ARHGEF3: variants seen among roughly 807,000 people sequenced by gnomAD.
ARHGEF3 encodes the protein 59.8 kDA protein.
Under a neutral mutation model 63.2 loss-of-function variants are expected in ARHGEF3, and 28 were observed. That is an observed-to-expected ratio of 0.44 (90% confidence interval 0.33 to 0.61). ARHGEF3 has a LOEUF of 0.61. Ranked by LOEUF, ARHGEF3 falls within the 20% of genes least tolerant of loss-of-function variation. The probability of loss-of-function intolerance (pLI) is 0.03; values close to 1 mark genes in which losing one functional copy is unlikely to be tolerated. For synonymous variants in ARHGEF3, 266 were observed against 254.2 expected, an observed-to-expected ratio of 1.05 and a Z score of -0.44; for missense variants, 533 against 659.3, an observed-to-expected ratio of 0.81 and a Z score of 2.10.
chr3:57,063,589 C>T (rs1395740920), intron 1 of ARHGEF3, among the ~76,000 whole-genome samples: 1 of 152,134 alleles, frequency 6.6e-6, no homozygotes, highest in Non-Finnish European at 1.5e-5. Context: ...GCCTGAGCAA[C>T]CAGGAGGTTG....
rs115561308 is a variant in ARHGEF3 at position 56,774,947 on chromosome 3, G to A, written c.97-1131C>T. 2.6e-3 allele frequency: 3,525 copies of A among 1,343,200 alleles called. 69 individuals carry two copies. In the African/African-American group the frequency reaches 0.046, roughly 17 times the overall value. 83.2% of individuals were successfully genotyped at this position (1,343,200 alleles called of 1,614,324 possible). A position where few individuals can be genotyped will look rare whatever the true frequency, so the allele number is the denominator to read the frequency against. On this transcript the variant is annotated intron_variant, in intron 1 of 9. Coordinates refer to ENST00000296315, the MANE Select transcript of ARHGEF3 (RefSeq NM_019555.3). ...ACAACAAAAAAAAAACAGGCTATGG[G>A]GAAGAGAATGATGATAGACAAAACA...
chr3:56,874,086 C>A (rs2040513421), intron 4 of ARHGEF3, among the ~76,000 whole-genome samples: 2 of 152,166 alleles, frequency 1.3e-5, no homozygotes, highest in African/African-American at 4.8e-5. Flanking sequence ...AGGCCAAAGG[C>A]AAGATGCAAT....
chr3:56,779,872 T>C (rs1410436247), intron 1 of ARHGEF3, among the ~76,000 whole-genome samples: 2 of 152,208 alleles, frequency 1.3e-5, no homozygotes, highest in East Asian at 1.9e-4. Context: ...AACTGAAAAA[T>C]GGGGAAATAA....
chr3:56,974,743 A>G (rs958532217), intron 2 of ARHGEF3, among the ~76,000 whole-genome samples: 12 of 152,152 alleles, frequency 7.9e-5, no homozygotes, highest in Admixed American at 3.3e-4. Context: ...AAGGAAATCC[A>G]CATCCTGCAC....
In ARHGEF3 at chr3:57,069,543, A is replaced by G. The variant is rs149085577; in HGVS notation, c.-28+9683T>C. Among the ~76,000 whole-genome samples the G allele has an allele frequency of 6.0e-4, 91 of 152,060 alleles. 1 individual carries two copies. The highest frequency in any genetic ancestry group is 2.2e-3 in the African/African-American group (90 of 41,458). ...GGTTCCAAGTGATACAAATATAGGC[A>G]CTCCATTTTTTATTATTTCTTTCTT... On this transcript the variant is annotated intron_variant, in intron 1 of 12. Transcript: ENST00000338458.
At chr3:57,000,625 C>T (rs535402361) in intron 2 of ARHGEF3, among the ~76,000 whole-genome samples, 8 of 152,228 alleles carry the variant, frequency 5.3e-5, no homozygotes, top group South Asian at 2.1e-4. Flanking sequence ...CTCTGCCTCC[C>T]GGGTTCAAGT....
intron 2 of ARHGEF3, among the ~76,000 whole-genome samples, chr3:57,019,173 C>T (rs573215543): frequency 8.1e-4 from 124 of 152,254 alleles, no homozygotes; most frequent in South Asian, 1.5e-3. Context: ...TCTCTCTAGA[C>T]CTTGGTTTCT....
intron 2 of ARHGEF3, among the ~76,000 whole-genome samples, chr3:57,002,479 T>TTATATATATATATGTTATATATA (rs1702251595): frequency 2.5e-5 from 1 of 39,472 alleles, no homozygotes; most frequent in Non-Finnish European, 4.1e-5. Context: ...TATATATATG[T>TTATATATATATATGTTATATATA]TATATATATA....
chr3:56,729,004 C>T lies in ARHGEF3; in HGVS notation c.*266G>A. The T allele has an allele frequency of 2.7e-6, 1 of 366,078 alleles. No homozygotes were observed. The highest frequency in any genetic ancestry group is 4.9e-6 in the Non-Finnish European group (1 of 204,182). 22.7% of individuals were successfully genotyped at this position (366,078 alleles called of 1,614,324 possible). A position where few individuals can be genotyped will look rare whatever the true frequency, so the allele number is the denominator to read the frequency against. On this transcript the variant is annotated 3_prime_UTR_variant, in exon 10 of 10. Transcript: ENST00000296315. Reference sequence around the variant, plus strand: ...ATTTTTTTAAAATCCAGCAGGACAACTGAAAGTAACTTGTTTGAGTACCTC... The same window carrying T: ...ATTTTTTTAAAATCCAGCAGGACAATTGAAAGTAACTTGTTTGAGTACCTC...
chr3:56,970,493 G>A (rs1245582273), intron 2 of ARHGEF3, among the ~76,000 whole-genome samples: 1 of 152,100 alleles, frequency 6.6e-6, no homozygotes, highest in Non-Finnish European at 1.5e-5. Flanking sequence ...GTCCATTTCT[G>A]AGGCATATAT....
intron 1 of ARHGEF3, among the ~76,000 whole-genome samples, chr3:57,067,682 A>T (rs1237980985): frequency 6.7e-6 from 1 of 150,124 alleles, no homozygotes; most frequent in African/African-American, 2.4e-5. Flanking sequence ...AAAAAATTTA[A>T]AAAATTAGCC....
In ARHGEF3 at chr3:56,960,543, G is replaced by A. The variant is rs143790003; in HGVS notation, c.63-1654C>T. 2.5e-3 allele frequency: 385 copies of A among 152,396 alleles called. 3 individuals are homozygous for A. Among genetic ancestry groups the A allele is most frequent in the African/African-American group, 8.7e-3 (362 of 41,544 alleles). 9.4% of individuals were successfully genotyped at this position (152,396 alleles called of 1,614,324 possible). On this transcript the variant is annotated intron_variant, in intron 2 of 12. Transcript: ENST00000338458. ...ATTGCTGTTTTTACCAGCTGTCAGC[G>A]TGGTGCCCCTGTCCCCCTTTCTCTC... is the stretch of plus-strand genomic sequence containing the variant.
At chr3:57,018,750 G>C (rs1271665681) in intron 2 of ARHGEF3, among the ~76,000 whole-genome samples, 1 of 152,142 alleles carries the variant, frequency 6.6e-6, no homozygotes, top group Non-Finnish European at 1.5e-5. Flanking sequence ...GTATCTGCCA[G>C]GTAGTGTGCT....
chr3:56,889,013 T>A (rs77067719), intron 3 of ARHGEF3, among the ~76,000 whole-genome samples: 5,599 of 152,168 alleles, frequency 0.037, 325 homozygotes, highest in East Asian at 0.21. Context: ...CTCATGGAGA[T>A]ATGGGTATTC....
At chr3:56,925,710 G>C (rs2042257046) in intron 3 of ARHGEF3, among the ~76,000 whole-genome samples, 1 of 152,212 alleles carries the variant, frequency 6.6e-6, no homozygotes, top group Non-Finnish European at 1.5e-5. Context: ...AATGTGCCAA[G>C]CTTGGCAGTA....
At chr3:56,995,535 C>G (rs865788327) in intron 2 of ARHGEF3, among the ~76,000 whole-genome samples, 31 of 150,690 alleles carry the variant, frequency 2.1e-4, no homozygotes, top group African/African-American at 7.6e-4. Flanking sequence ...ATGCAATCAT[C>G]ATTTTTTCAA....
At chr3:56,771,350 G>T (rs1160130021) in intron 2 of ARHGEF3, among the ~76,000 whole-genome samples, 1 of 152,194 alleles carries the variant, frequency 6.6e-6, no homozygotes. Context: ...ACAGAAGAAA[G>T]AAATTTTGCC....
In ARHGEF3 at chr3:56,765,034, G is replaced by A. The variant is rs532080698; in HGVS notation, c.204+8675C>T. 2.6e-5 allele frequency among the ~76,000 whole-genome samples: 4 copies of A among 152,212 alleles called. No individual in the cohort carries two copies. In the East Asian group the frequency reaches 7.7e-4, roughly 29 times the overall value. ...GGCCTCCCAAAGTGCTAGGATTACA[G>A]GCATGAGCCACCGCACCCGGCCCAA... On this transcript the variant is annotated intron_variant, in intron 2 of 9. Transcript: ENST00000296315.
intron 2 of ARHGEF3, among the ~76,000 whole-genome samples, chr3:57,022,036 T>G (rs971701099): frequency 6.6e-6 from 1 of 152,180 alleles, no homozygotes; most frequent in Non-Finnish European, 1.5e-5. Context: ...TTTGAGAGGC[T>G]GAGACAGGAG....
Sources: allele counts gnomAD v4.1 joint callset (sites outside exome capture counted in the v4.1 genomes callset), GRCh38; gene constraint gnomAD v4.1.1; transcripts MANE v1.5; gene names NCBI Gene and HGNC (gene_info 2026-07-23, HGNC 2026-07-21).